Variants in TRAPPC9 observed in about 807,000 individuals in gnomAD.
TRAPPC9 encodes trafficking protein particle complex subunit 9, also known as IKK2 binding protein.
Under a neutral mutation model 124.0 loss-of-function variants are expected in TRAPPC9, and 83 were observed. That is an observed-to-expected ratio of 0.67 (90% confidence interval 0.56 to 0.80). TRAPPC9 has a LOEUF of 0.80. TRAPPC9 is among the 30% of genes least tolerant of loss of function. The pLI, the probability that TRAPPC9 is intolerant of heterozygous loss-of-function variation, is 0.00. For missense variants in TRAPPC9, 1,302 were observed against 1,508.3 expected, an observed-to-expected ratio of 0.86 and a Z score of 2.27; for synonymous variants, 638 against 617.5, an observed-to-expected ratio of 1.03 and a Z score of -0.49.
chr8:140,132,493 G>A (rs1411192527), intron 17 of TRAPPC9, among the ~76,000 whole-genome samples: 1 of 152,130 alleles, frequency 6.6e-6, no homozygotes, highest in Admixed American at 6.5e-5. Context: ...ACTGAGAAAT[G>A]AGATTAGGGC....
At chr8:139,830,788 C>G (rs988784544) in intron 21 of TRAPPC9, among the ~76,000 whole-genome samples, 3 of 152,230 alleles carry the variant, frequency 2.0e-5, no homozygotes, top group Non-Finnish European at 2.9e-5. Flanking sequence ...GCTGCTGCAC[C>G]AGGGAGCCCG....
chr8:140,314,454 A>G (rs538427819), intron 9 of TRAPPC9, among the ~76,000 whole-genome samples: 1 of 152,342 alleles, frequency 6.6e-6, no homozygotes, highest in Admixed American at 6.5e-5. Context: ...TCTTTGTGAT[A>G]AGAGCATTCA....
chr8:140,019,665 G>A (rs1396444134), intron 18 of TRAPPC9, among the ~76,000 whole-genome samples: 1 of 143,482 alleles, frequency 7.0e-6, no homozygotes, highest in African/African-American at 2.6e-5. Flanking sequence ...CGATTCTCAT[G>A]CCTCAGCCTT....
At chr8:140,333,323 C>T (rs888363007) in intron 9 of TRAPPC9, among the ~76,000 whole-genome samples, 1 of 152,116 alleles carries the variant, frequency 6.6e-6, no homozygotes, top group African/African-American at 2.4e-5. Flanking sequence ...ATAATAAAAA[C>T]TATATATATG....
At chr8:139,938,577 G>A (rs1276439418) in intron 19 of TRAPPC9, among the ~76,000 whole-genome samples, 1 of 151,490 alleles carries the variant, frequency 6.6e-6, no homozygotes, top group Non-Finnish European at 1.5e-5. Context: ...GAGCCACTGT[G>A]CCCAGCTAGA....
chr8:139,743,203 G>A (rs1045107949), intron 21 of TRAPPC9, among the ~76,000 whole-genome samples: 4 of 152,190 alleles, frequency 2.6e-5, no homozygotes, highest in Non-Finnish European at 5.9e-5. Context: ...CCAACAATCT[G>A]TTCACTTGTC....
chr8:140,456,212 A>G (rs760257752), intron 1 of TRAPPC9, among the ~76,000 whole-genome samples: 2 of 152,188 alleles, frequency 1.3e-5, no homozygotes, highest in Non-Finnish European at 2.9e-5. Flanking sequence ...GTTCGAGAGC[A>G]GCCTGGCCAA....
chr8:140,309,023 A>G (rs529905812), intron 10 of TRAPPC9, among the ~76,000 whole-genome samples: 3 of 152,304 alleles, frequency 2.0e-5, no homozygotes, highest in East Asian at 1.9e-4. Context: ...AAAGAGACAC[A>G]CTGCCCAGGA....
intron 8 of TRAPPC9, among the ~76,000 whole-genome samples, chr8:140,366,331 C>A (rs2068107456): frequency 6.6e-6 from 1 of 152,104 alleles, no homozygotes; most frequent in Non-Finnish European, 1.5e-5. Context: ...TCGAGGCTTA[C>A]TATAAAACTA....
At chr8:139,942,170 CAG>C (rs1397533741) in intron 19 of TRAPPC9, among the ~76,000 whole-genome samples, 2 of 152,146 alleles carry the variant, frequency 1.3e-5, no homozygotes, top group African/African-American at 2.4e-5. Flanking sequence ...ATGGTAATAA[CAG>C]GGGGCGGCCA....
At chr8:140,324,222 A>G (rs2131961006) in intron 9 of TRAPPC9, among the ~76,000 whole-genome samples, 1 of 152,374 alleles carries the variant, frequency 6.6e-6, no homozygotes, top group African/African-American at 2.4e-5. Flanking sequence ...GATATACCAC[A>G]CGAACACAAG....
intron 10 of TRAPPC9, among the ~76,000 whole-genome samples, chr8:140,302,068 C>G (rs912135439): frequency 6.6e-6 from 1 of 152,256 alleles, no homozygotes; most frequent in Non-Finnish European, 1.5e-5. Flanking sequence ...CTTACAGAAT[C>G]CACAAAATCA....
rs1430708699 is a variant in TRAPPC9, at chr8:139,742,291, G to T, written c.3056-10089C>A. 6.6e-6 allele frequency among the ~76,000 whole-genome samples: 1 copy of T among 152,208 alleles called. No homozygotes were observed. Among genetic ancestry groups the T allele is most frequent in the Admixed American group, 6.5e-5 (1 of 15,286 alleles). On this transcript the variant is annotated intron_variant, in intron 21 of 22. Coordinates refer to ENST00000438773, the MANE Select transcript of TRAPPC9 (RefSeq NM_001160372.4). The surrounding 1 kb of genome is among the most constrained non-coding windows in gnomAD (Gnocchi z 4.7). ...ACCGGCCATGCTGCCGGCGCTCACT[G>T]CTCCCTGTGCAGACAGCCCAGCTTC... is the stretch of plus-strand genomic sequence containing the variant.
At chr8:139,750,132 T>A (rs954315182) in intron 21 of TRAPPC9, among the ~76,000 whole-genome samples, 1 of 152,126 alleles carries the variant, frequency 6.6e-6, no homozygotes, top group Admixed American at 6.5e-5. Context: ...CAGTGTGGCA[T>A]AGACCTCACC....
At chr8:140,069,080 C>T (rs530545962) in intron 17 of TRAPPC9, among the ~76,000 whole-genome samples, 1 of 152,350 alleles carries the variant, frequency 6.6e-6, no homozygotes, top group East Asian at 1.9e-4. Context: ...GCTCAGAGCA[C>T]AGTTACGCTT....
At chr8:139,962,465 A>G (rs1343882862) in intron 19 of TRAPPC9, among the ~76,000 whole-genome samples, 1 of 125,066 alleles carries the variant, frequency 8.0e-6, no homozygotes, top group African/African-American at 2.5e-5. Flanking sequence ...ACACACACAC[A>G]GTATTTGTGG....
At chr8:140,187,290 T>C (rs1034565289) in intron 17 of TRAPPC9, among the ~76,000 whole-genome samples, 10 of 152,324 alleles carry the variant, frequency 6.6e-5, no homozygotes, top group Non-Finnish European at 1.2e-4. Context: ...GCGGGGGCCT[T>C]GGAGCCGATG....
At chr8:140,171,466 T>C (rs1462312987) in intron 17 of TRAPPC9, among the ~76,000 whole-genome samples, 4 of 152,234 alleles carry the variant, frequency 2.6e-5, no homozygotes, top group East Asian at 3.8e-4. Context: ...AGGAAGAACA[T>C]ACCTGTAAAA....
chr8:140,306,306 G>A (rs1018178196), intron 10 of TRAPPC9, among the ~76,000 whole-genome samples: 1 of 151,898 alleles, frequency 6.6e-6, no homozygotes, highest in Non-Finnish European at 1.5e-5. Context: ...CCAGCCTGGC[G>A]AACACAGTGA....
Sources: gnomAD v4.1 joint callset for allele counts (sites outside exome capture counted in the v4.1 genomes callset) on GRCh38, gnomAD v4.1.1 for gene constraint, Gnocchi (gnomAD v3.1) non-coding constraint, MANE v1.5 for transcripts, NCBI Gene and HGNC (gene_info 2026-07-23, HGNC 2026-07-21) for gene names.